The following NACC2 variants were observed in gnomAD, a reference collection of about 807,000 sequenced individuals.
NACC2 encodes the protein NACC family member 2.
NACC2 carries 8 observed loss-of-function variants against 25.1 expected under a neutral mutation model. The observed-to-expected ratio is 0.32, with a 90% CI of 0.19 to 0.57. The LOEUF is 0.57. NACC2 is among the 20% of genes least tolerant of loss of function. NACC2 has a pLI of 0.89. For synonymous variants in NACC2, 435 were observed against 294.7 expected (o/e 1.48, Z -4.88); for missense variants, 644 against 650.2 (o/e 0.99, Z 0.10).
chr9:136,056,936 C>T (rs540277404), intron 1 of NACC2, among the ~76,000 whole-genome samples: 3 of 152,364 alleles, frequency 2.0e-5, no homozygotes, highest in Middle Eastern at 3.4e-3. Context: ...CCCTTCCTCT[C>T]GGCCACCCGT....
chr9:136,011,776 C>T lies in NACC2; in HGVS notation c.1504G>A (p.Asp502Asn), dbSNP rs530670194. The T allele has an allele frequency of 6.1e-5, 93 of 1,530,918 alleles. No homozygotes were observed. Among genetic ancestry groups the T allele is most frequent in the South Asian group, 5.0e-4 (41 of 82,724 alleles). The allele number at this position is 1,530,918 out of a possible 1,614,324, so 94.8% of individuals were successfully genotyped here. Residue 502 changes from aspartate (D) to asparagine (N), a missense_variant, in exon 6 of 6, where the codon GAC becomes AAC. By Grantham distance (23) the Asp-to-Asn change is conservative (BLOSUM62 1). Coordinates refer to ENST00000277554, the MANE Select transcript of NACC2 (RefSeq NM_144653.5). Reference sequence around the variant, plus strand: ...CTCAGAGCCACGATGGTGGCGGCGTCGCCCCGCCGCTCGGCGTAGATGCGT... The same window carrying T: ...CTCAGAGCCACGATGGTGGCGGCGTTGCCCCGCCGCTCGGCGTAGATGCGT... Reference protein sequence around the residue: ...EQRIYAERRGDAATIVALRTD... With the variant: ...EQRIYAERRGNAATIVALRTD...
intron 2 of NACC2, among the ~76,000 whole-genome samples, chr9:136,026,902 C>A (rs544684517): frequency 8.5e-5 from 13 of 152,168 alleles, no homozygotes; most frequent in Admixed American, 8.5e-4. Context: ...TCAGTAACCA[C>A]GTGAAATGAA....
chr9:136,069,264 T>C (rs191223629), intron 1 of NACC2, among the ~76,000 whole-genome samples: 1 of 151,698 alleles, frequency 6.6e-6, no homozygotes, highest in Non-Finnish European at 1.5e-5. Context: ...TGTATTCTAT[T>C]GACTGGGCGC....
chr9:136,049,485 T>A (rs1244339710), intron 2 of NACC2, 151 bp downstream of exon 2: 8 of 593,274 alleles, frequency 1.3e-5, no homozygotes, highest in Non-Finnish European at 2.1e-5. Flanking sequence ...AACCCCATGG[T>A]GAACAGAGCT....
At chr9:136,027,356 C>G (rs892450988) in intron 2 of NACC2, among the ~76,000 whole-genome samples, 1 of 152,164 alleles carries the variant, frequency 6.6e-6, no homozygotes, top group Non-Finnish European at 1.5e-5. Flanking sequence ...GCTGAGGTGG[C>G]TCTGCTGTGG....
intron 1 of NACC2, among the ~76,000 whole-genome samples, chr9:136,059,965 G>A (rs1840985526): frequency 6.6e-6 from 1 of 152,230 alleles, no homozygotes; most frequent in African/African-American, 2.4e-5. Context: ...AGGGCGCACG[G>A]GGAGCCGCCT....
chr9:136,013,816 AC>A lies in NACC2; in HGVS notation c.1157+47del, dbSNP rs755729839. On this transcript the variant is annotated intron_variant, in intron 4 of 5. Transcript: ENST00000277554. This position sits in a 1 kb window ranked among gnomAD's most constrained non-coding sequence, Gnocchi z 6.6. ...ACAGCTCATAGCTAAAGGAGCCAGAACCCTCCGCAGCTCCATTGTGCCCTCC... is the reference window on the plus strand; with the variant it reads ...ACAGCTCATAGCTAAAGGAGCCAGAACCTCCGCAGCTCCATTGTGCCCTCC... 2.6e-6 allele frequency: 4 copies of A among 1,518,256 alleles called. No individual in the cohort carries two copies. The South Asian group carries it at 3.4e-5, about 13-fold the overall frequency. 94.0% of individuals were successfully genotyped at this position (1,518,256 alleles called of 1,614,324 possible). A position where few individuals can be genotyped will look rare whatever the true frequency, so the allele number is the denominator to read the frequency against.
chr9:136,012,084 C>A lies in NACC2; in HGVS notation c.1256-60G>T. 3.4e-6 allele frequency: 5 copies of A among 1,459,440 alleles called. No homozygotes were observed. The South Asian group carries it at 6.9e-5, about 20-fold the overall frequency. 90.4% of individuals were successfully genotyped at this position (1,459,440 alleles called of 1,614,324 possible). Reference sequence around the variant, plus strand: ...GCCTGCCGGGAGGCCCGCCCCTCCCCAAGGCCACAGAACCATGATGCCCTG... The same window carrying A: ...GCCTGCCGGGAGGCCCGCCCCTCCCAAAGGCCACAGAACCATGATGCCCTG... On this transcript the variant is annotated intron_variant, in intron 5 of 5. Coordinates refer to ENST00000277554, the MANE Select transcript of NACC2 (RefSeq NM_144653.5).
intron 1 of NACC2, among the ~76,000 whole-genome samples, chr9:136,061,884 C>G (rs1389851446): frequency 6.6e-6 from 1 of 151,964 alleles, no homozygotes; most frequent in Non-Finnish European, 1.5e-5. Context: ...CTTTGGGAGG[C>G]CAAGGCGGGC....
chr9:136,054,591 G>A (rs1840897614), intron 1 of NACC2, among the ~76,000 whole-genome samples: 1 of 152,152 alleles, frequency 6.6e-6, no homozygotes, highest in Admixed American at 6.5e-5. Context: ...GGCCCAGGTG[G>A]GCCCAGGGAC....
chr9:136,053,466 G>T (rs1033782468), intron 1 of NACC2, among the ~76,000 whole-genome samples: 1 of 152,108 alleles, frequency 6.6e-6, no homozygotes, highest in African/African-American at 2.4e-5. Context: ...GGGCTCCACC[G>T]GGCCAGGAGA....
At chr9:136,063,191 G>A (rs7034930) in intron 1 of NACC2, among the ~76,000 whole-genome samples, 42,731 of 152,102 alleles carry the variant, frequency 0.28, 6,892 homozygotes, top group Non-Finnish European at 0.36. Context: ...TTACGTGGCG[G>A]GGACCAGGGA....
In NACC2 at chr9:136,006,753, C is replaced by A. The variant is rs1174089049; in HGVS notation, c.*4763G>T. 6.6e-6 allele frequency: 1 copy of A among 151,898 alleles called. No individual in the cohort carries two copies. The highest frequency in any genetic ancestry group is 1.5e-5 in the Non-Finnish European group (1 of 68,006). 9.4% of individuals were successfully genotyped at this position (151,898 alleles called of 1,614,324 possible). A position where few individuals can be genotyped will look rare whatever the true frequency, so the allele number is the denominator to read the frequency against. Reference sequence around the variant, plus strand: ...CTAAAAAGTAACAGTCTTGACTCTACCGAGTAACAGCACAAAAACAGAGTG... The same window carrying A: ...CTAAAAAGTAACAGTCTTGACTCTAACGAGTAACAGCACAAAAACAGAGTG... On this transcript the variant is annotated 3_prime_UTR_variant, in exon 6 of 6. Coordinates refer to ENST00000277554, the MANE Select transcript of NACC2 (RefSeq NM_144653.5).
chr9:136,051,916 TGGAGGA>T (rs1169257163), intron 1 of NACC2, among the ~76,000 whole-genome samples: 14 of 141,862 alleles, frequency 9.9e-5, no homozygotes, highest in South Asian at 4.4e-4. Context: ...GAGGAGATGG[TGGAGGA>T]GGAGGAGGAG....
chr9:136,064,700 C>T (rs766504570), intron 1 of NACC2, among the ~76,000 whole-genome samples: 5 of 152,110 alleles, frequency 3.3e-5, no homozygotes, highest in Admixed American at 6.6e-5. Flanking sequence ...AATTTCTTTG[C>T]CAACATTGTC....
Position 136,011,673 on chromosome 9 carries a change from C to T in NACC2, c.1607G>A (p.Gly536Asp). 7.0e-7 allele frequency: 1 copy of T among 1,438,600 alleles called. No homozygotes were observed. Among genetic ancestry groups the T allele is most frequent in the Non-Finnish European group, 9.1e-7 (1 of 1,099,482 alleles). The allele number at this position is 1,438,600 out of a possible 1,614,324, so 89.1% of individuals were successfully genotyped here. A position where few individuals can be genotyped will look rare whatever the true frequency, so the allele number is the denominator to read the frequency against. ...FDAGEEVDGA[G>D]SVIQEVAAPE... Reference sequence around the variant, plus strand: ...GGCGGCCACCTCCTGGATGACCGAGCCAGCCCCGTCCACCTCCTCGCCGGC... The same window carrying T: ...GGCGGCCACCTCCTGGATGACCGAGTCAGCCCCGTCCACCTCCTCGCCGGC... The change falls in exon 6 of 6, where the codon GGC (glycine) becomes GAC (aspartate). Residue 536 changes from glycine (G) to aspartate (D), a missense_variant. Physicochemically the swap from Gly to Asp is moderately conservative, Grantham distance 94. Coordinates refer to ENST00000277554, the MANE Select transcript of NACC2 (RefSeq NM_144653.5).
intron 1 of NACC2, among the ~76,000 whole-genome samples, chr9:136,066,864 G>GA (rs959900908): frequency 1.1e-4 from 17 of 149,880 alleles, no homozygotes; most frequent in Admixed American, 3.3e-4. Flanking sequence ...CGCTAAGTGT[G>GA]AAAAAAAATG....
chr9:136,069,592 C>G (rs911702636), intron 1 of NACC2, among the ~76,000 whole-genome samples: 1 of 151,502 alleles, frequency 6.6e-6, no homozygotes, highest in Non-Finnish European at 1.5e-5. Flanking sequence ...AAAAACACCT[C>G]ACTTCAAATA....
At chr9:136,046,406 G>A (rs1247792312) in intron 2 of NACC2, among the ~76,000 whole-genome samples, 1 of 152,190 alleles carries the variant, frequency 6.6e-6, no homozygotes, top group Non-Finnish European at 1.5e-5. Context: ...ATCTTGCTCC[G>A]GGGTCTCCCG....
Sources: gnomAD v4.1 joint callset for allele counts (sites outside exome capture counted in the v4.1 genomes callset) on GRCh38, gnomAD v4.1.1 for gene constraint, Gnocchi (gnomAD v3.1) non-coding constraint, MANE v1.5 for transcripts, NCBI Gene and HGNC (gene_info 2026-07-23, HGNC 2026-07-21) for gene names.